BBS4: variants seen among roughly 807,000 people sequenced by gnomAD.
BBS4 encodes the protein Bardet-Biedl syndrome 4, also known as BBSome complex member BBS4.
Under a neutral mutation model 71.4 loss-of-function variants are expected in BBS4, and 58 were observed. The observed-to-expected ratio is 0.81, with a 90% CI of 0.66 to 1.01. The LOEUF (loss-of-function observed/expected upper bound fraction) is 1.01. BBS4 is among the 50% of genes least tolerant of loss of function. The pLI is 0.00. For missense variants in BBS4, 660 were observed against 607.9 expected, an observed-to-expected ratio of 1.09 and a Z score of -0.90; for synonymous variants, 228 against 216.8, an observed-to-expected ratio of 1.05 and a Z score of -0.46.
intron 1 of BBS4, among the ~76,000 whole-genome samples, chr15:72,690,904 T>C (rs1369682668): frequency 2.0e-5 from 3 of 152,212 alleles, no homozygotes; most frequent in African/African-American, 7.2e-5. Flanking sequence ...TTAGCTGTTG[T>C]AGTGGATGGG....
At chr15:72,717,547 GAGCCTATACTGGGAA>G (rs376521009) in intron 6 of BBS4, among the ~76,000 whole-genome samples, 77 of 152,174 alleles carry the variant, frequency 5.1e-4, no homozygotes, top group African/African-American at 1.7e-3. Context: ...GAAAAGGACA[GAGCCTATACTGGGAA>G]AGCACAACTT....
Position 72,710,195 on chromosome 15 carries a change from G to GTTCTTTTTTTT in BBS4, c.156+418_156+419insCTTTTTTTTTT, listed in dbSNP as rs1239689474. Among the ~76,000 whole-genome samples, 177 of 103,434 alleles carry GTTCTTTTTTTT rather than the reference G, an allele frequency of 1.7e-3. 28 individuals are homozygous for GTTCTTTTTTTT. Among genetic ancestry groups the GTTCTTTTTTTT allele is most frequent in the African/African-American group, 5.6e-3 (152 of 27,236 alleles). 67.9% of individuals were successfully genotyped at this position (103,434 alleles called of 152,430 possible). On this transcript the variant is annotated intron_variant, in intron 3 of 15. Coordinates refer to ENST00000268057, the MANE Select transcript of BBS4 (RefSeq NM_033028.5). Reference sequence around the variant, plus strand: ...TAGATGAAAAATGGTATTTTGTCGAGTTTTTTTTTTTTTTTTTTTTTTTTT... The same window carrying GTTCTTTTTTTT: ...TAGATGAAAAATGGTATTTTGTCGAGTTCTTTTTTTTTTTTTTTTTTTTTTTTTTTTTTTTT...
chr15:72,696,387 T>C (rs1316517867), intron 2 of BBS4, among the ~76,000 whole-genome samples: 1 of 152,234 alleles, frequency 6.6e-6, no homozygotes, highest in Non-Finnish European at 1.5e-5. Flanking sequence ...AAATTCCCTT[T>C]TTTTAGTACA....
At chr15:72,699,642 C>T (rs151240947) in intron 2 of BBS4, among the ~76,000 whole-genome samples, 1 of 152,240 alleles carries the variant, frequency 6.6e-6, no homozygotes, top group African/African-American at 2.4e-5. Flanking sequence ...TTCACTTCGC[C>T]AGATGCAACC....
At chr15:72,703,654 G>T (rs2065215178) in intron 2 of BBS4, among the ~76,000 whole-genome samples, 1 of 152,148 alleles carries the variant, frequency 6.6e-6, no homozygotes. Context: ...TAGAAGGCTG[G>T]TATTGAATCA....
In BBS4 at chr15:72,731,538, C is replaced by T. The variant is rs377322397; in HGVS notation, c.865-17C>T. 1.9e-6 allele frequency: 3 copies of T among 1,614,226 alleles called. No individual in the cohort carries two copies. The highest frequency in any genetic ancestry group is 2.5e-6 in the Non-Finnish European group (3 of 1,180,040). The stretch of plus-strand genomic sequence containing the variant: ...TTTAGCTTGCCCTTCTCATTGAGTG[C>T]CCCTTCTCTCTCATAGGCCATCAGC... On this transcript the variant is annotated splice_polypyrimidine_tract_variant and intron_variant, in intron 11 of 15. Transcript: ENST00000268057.
At chr15:72,701,332 A>T (rs1817326834) in intron 2 of BBS4, among the ~76,000 whole-genome samples, 1 of 152,100 alleles carries the variant, frequency 6.6e-6, no homozygotes, top group Admixed American at 6.5e-5. Context: ...TATATATTCC[A>T]TTGTGGGGCT....
At chr15:72,726,754 A>G (rs1180026435) in intron 8 of BBS4, among the ~76,000 whole-genome samples, 1 of 152,202 alleles carries the variant, frequency 6.6e-6, no homozygotes, top group African/African-American at 2.4e-5. Flanking sequence ...TAACATGTTC[A>G]GTGCCTCTGT....
intron 4 of BBS4, among the ~76,000 whole-genome samples, chr15:72,714,615 G>A (rs1470392490): frequency 6.6e-6 from 1 of 152,056 alleles, no homozygotes; most frequent in Non-Finnish European, 1.5e-5. Context: ...GTAAATAAAT[G>A]GTTTTGTTTA....
rs539490725 is a variant in BBS4 at position 72,728,507 on chromosome 15, A to AG, written c.642+513_642+514insG. On this transcript the variant is annotated intron_variant, in intron 9 of 15. Coordinates refer to ENST00000268057, the MANE Select transcript of BBS4 (RefSeq NM_033028.5). Reference sequence around the variant, plus strand: ...AGCCAGATCCTGTCTCAGAAAAAAAAAAAAATTCTTATGCTATCCAGGAAA... The same window carrying AG: ...AGCCAGATCCTGTCTCAGAAAAAAAAGAAAAATTCTTATGCTATCCAGGAAA... 8.9e-4 allele frequency among the ~76,000 whole-genome samples: 136 copies of AG among 152,244 alleles called. 1 individual carries two copies. The highest frequency in any genetic ancestry group is 3.2e-3 in the African/African-American group (131 of 41,546).
At chr15:72,705,865 G>A (rs749188883) in intron 2 of BBS4, among the ~76,000 whole-genome samples, 7 of 151,916 alleles carry the variant, frequency 4.6e-5, no homozygotes, top group Non-Finnish European at 7.4e-5. Context: ...GGTTACAGGC[G>A]TAAACCACTA....
intron 14 of BBS4, 69 bp downstream of exon 14, chr15:72,736,035 A>G (rs2065916433): frequency 1.3e-6 from 2 of 1,555,850 alleles, no homozygotes; most frequent in Admixed American, 3.4e-5. Context: ...TCAAGCCCAG[A>G]TCATCCAAAT....
At position 72,737,529 on chromosome 15, in the gene BBS4, C is replaced by T. The variant is rs1266844573; in HGVS notation, c.1502C>T (p.Pro501Leu). 7 of 1,613,198 alleles carry T rather than the reference C, an allele frequency of 4.3e-6. No individual in the cohort carries two copies. Among genetic ancestry groups the T allele is most frequent in the Admixed American group, 1.7e-5 (1 of 59,892 alleles). ...FTKPPSLPLE[P>L]EPAVESSPTE... Reference sequence around the variant, plus strand: ...AAGCCCCCATCTCTTCCTCTGGAGCCAGAGCCTGCGGTGGAATCAAGTCCA... The same window carrying T: ...AAGCCCCCATCTCTTCCTCTGGAGCTAGAGCCTGCGGTGGAATCAAGTCCA... The change falls in exon 16 of 16, where the codon CCA (proline) becomes CTA (leucine). Residue 501 changes from proline (P) to leucine (L), a missense_variant. Physicochemically the swap from Pro to Leu is moderately conservative, Grantham distance 98. Transcript: ENST00000268057.
At chr15:72,718,010 G>A (rs552687441) in intron 6 of BBS4, among the ~76,000 whole-genome samples, 8 of 151,984 alleles carry the variant, frequency 5.3e-5, no homozygotes, top group Non-Finnish European at 8.8e-5. Flanking sequence ...CACCATGCCC[G>A]GCTAATTTTT....
chr15:72,703,098 A>C (rs2065205756), intron 2 of BBS4, among the ~76,000 whole-genome samples: 1 of 151,772 alleles, frequency 6.6e-6, no homozygotes, highest in South Asian at 2.1e-4. Flanking sequence ...GGCGTGAGCC[A>C]TCGCGCCCGG....
intron 9 of BBS4, among the ~76,000 whole-genome samples, chr15:72,729,306 A>C (rs564599300): frequency 1.9e-4 from 27 of 141,836 alleles, no homozygotes; most frequent in Non-Finnish European, 2.7e-4. Context: ...GCTAGAGTGC[A>C]ATGGCGTGAT....
At chr15:72,733,132 G>C (rs1160004036) in intron 12 of BBS4, among the ~76,000 whole-genome samples, 1 of 152,168 alleles carries the variant, frequency 6.6e-6, no homozygotes, top group Non-Finnish European at 1.5e-5. Flanking sequence ...CCCAGGGTCA[G>C]TAAGGCCCCA....
intron 15 of BBS4, 49 bp from the exon 16 acceptor site, chr15:72,737,429 C>T: frequency 1.3e-6 from 2 of 1,484,704 alleles, no homozygotes; most frequent in South Asian, 1.2e-5. Context: ...AGAATGATTT[C>T]TTCTGAAATT....
rs758032659 is a variant in BBS4 at position 72,731,717 on chromosome 15, C to A, written c.1027C>A (p.Leu343Ile). The A allele has an allele frequency of 6.2e-6, 10 of 1,614,170 alleles. No homozygotes were observed. Among genetic ancestry groups the A allele is most frequent in the Non-Finnish European group, 8.5e-6 (10 of 1,180,044 alleles). The change falls in exon 12 of 16, where the codon CTC becomes ATC. Residue 343 changes from leucine to isoleucine, a missense_variant. Physicochemically the swap from Leu to Ile is conservative, Grantham distance 5 (BLOSUM62 2). Transcript: ENST00000268057. ...FQPKMGELYM[L>I]LAVALTNLED... ...GCCAAAGATGGGGGAGCTCTACATG[C>A]TCTTGGCAGGTAAGAAACATTTATG...
Sources: allele counts gnomAD v4.1 joint callset (sites outside exome capture counted in the v4.1 genomes callset), GRCh38; gene constraint gnomAD v4.1.1; transcripts MANE v1.5; gene names NCBI Gene and HGNC (gene_info 2026-07-23, HGNC 2026-07-21).